The following SLC44A1 variants were observed in gnomAD, a reference collection of about 807,000 sequenced individuals.
SLC44A1 encodes solute carrier family 44 member 1, also known as choline transporter-like protein 1.
A neutral mutation model predicts 79.3 loss-of-function variants in SLC44A1; 26 were observed. The observed-to-expected ratio is 0.33, with a 90% CI of 0.24 to 0.46. SLC44A1 has a LOEUF of 0.46. SLC44A1 is among the 20% of genes least tolerant of loss of function. SLC44A1 has a pLI of 1.00. For missense variants in SLC44A1, 688 were observed against 798.1 expected, an observed-to-expected ratio of 0.86 and a Z score of 1.66; for synonymous variants, 263 against 286.2, an observed-to-expected ratio of 0.92 and a Z score of 0.82.
intron 3 of SLC44A1, among the ~76,000 whole-genome samples, chr9:105,328,479 C>T (rs1414827781): frequency 1.3e-5 from 2 of 152,148 alleles, no homozygotes; most frequent in Admixed American, 6.5e-5. Flanking sequence ...AGCAGCCCCA[C>T]GGTGAGAGTG....
At chr9:105,275,828 G>A (rs966080157) in intron 1 of SLC44A1, among the ~76,000 whole-genome samples, 22 of 148,436 alleles carry the variant, frequency 1.5e-4, no homozygotes, top group Admixed American at 1.3e-3. Context: ...TTTTTGAGAC[G>A]GAGTGCCGCT....
chr9:105,392,072 T>C lies in SLC44A1; in HGVS notation c.*3016T>C. On this transcript the variant is annotated 3_prime_UTR_variant, in exon 16 of 16. Coordinates refer to ENST00000374720, the MANE Select transcript of SLC44A1 (RefSeq NM_080546.5). ...TTTCAGTGTAAATCCAAGAGACCCA[T>C]CTTCTATGAGAGGCTTACCAGTGCA... 2 of 985,274 alleles carry C rather than the reference T, an allele frequency of 2.0e-6. No homozygotes were observed. The highest frequency in any genetic ancestry group is 1.2e-6 in the Non-Finnish European group (1 of 829,798). The allele number at this position is 985,274 out of a possible 1,614,324, so 61.0% of individuals were successfully genotyped here.
At chr9:105,309,936 T>A in intron 3 of SLC44A1, 70 bp downstream of exon 3, 1 of 1,489,276 alleles carries the variant, frequency 6.7e-7, no homozygotes. Context: ...CCTGCTGTTC[T>A]TGCTGTTTTA....
chr9:105,375,964 G>A (rs1020700822), intron 13 of SLC44A1, among the ~76,000 whole-genome samples: 35 of 151,256 alleles, frequency 2.3e-4, no homozygotes, highest in African/African-American at 6.3e-4. Context: ...TGTTTGTCCC[G>A]CCCATTTCTC....
intron 4 of SLC44A1, among the ~76,000 whole-genome samples, chr9:105,336,338 T>C (rs992284657): frequency 1.3e-5 from 2 of 152,172 alleles, no homozygotes; most frequent in African/African-American, 4.8e-5. Flanking sequence ...CTTTTTCTGA[T>C]AATAATTGTG....
chr9:105,310,638 G>T (rs1159971128), intron 3 of SLC44A1, among the ~76,000 whole-genome samples: 1 of 152,138 alleles, frequency 6.6e-6, no homozygotes, highest in Admixed American at 6.5e-5. Context: ...ATAGGAAAAG[G>T]CTAAGCAGGT....
chr9:105,265,495 T>G (rs1233512608), intron 1 of SLC44A1, among the ~76,000 whole-genome samples: 1 of 152,256 alleles, frequency 6.6e-6, no homozygotes, highest in Non-Finnish European at 1.5e-5. Flanking sequence ...CTAAGTAGTA[T>G]TCCATTATAT....
At chr9:105,289,518 A>C (rs1481572109) in intron 1 of SLC44A1, among the ~76,000 whole-genome samples, 1 of 152,206 alleles carries the variant, frequency 6.6e-6, no homozygotes, top group African/African-American at 2.4e-5. Context: ...GTATTTACAT[A>C]GTGTGCTGTA....
intron 13 of SLC44A1, among the ~76,000 whole-genome samples, chr9:105,375,849 T>A (rs1047120104): frequency 6.6e-6 from 1 of 152,212 alleles, no homozygotes; most frequent in Admixed American, 6.5e-5. Flanking sequence ...AGAGAAAGGC[T>A]TATACTACCA....
At chr9:105,420,736 C>T (rs941794081) in intron 15 of SLC44A1, among the ~76,000 whole-genome samples, 8 of 151,912 alleles carry the variant, frequency 5.3e-5, no homozygotes, top group Non-Finnish European at 1.0e-4. Context: ...TGACACATGC[C>T]TGTAATCACA....
intron 6 of SLC44A1, among the ~76,000 whole-genome samples, chr9:105,357,976 G>A (rs2131402368): frequency 6.6e-6 from 1 of 152,250 alleles, no homozygotes; most frequent in Middle Eastern, 3.4e-3. Context: ...AATTTTTCTT[G>A]TCACCAACAT....
chr9:105,279,307 GA>G (rs1218337381), intron 1 of SLC44A1, among the ~76,000 whole-genome samples: 1 of 149,296 alleles, frequency 6.7e-6, no homozygotes, highest in Non-Finnish European at 1.5e-5. Flanking sequence ...TTAAAACTAG[GA>G]AAAGAAAACT....
intron 1 of SLC44A1, among the ~76,000 whole-genome samples, chr9:105,281,553 G>A (rs1282259793): frequency 1.3e-5 from 2 of 152,128 alleles, no homozygotes; most frequent in Non-Finnish European, 2.9e-5. Flanking sequence ...TGTCTGATAC[G>A]GGCCAGGCAG....
At chr9:105,361,068 A>G (rs1827763501) in intron 7 of SLC44A1, 123 bp from the exon 8 acceptor site, 1 of 960,872 alleles carries the variant, frequency 1.0e-6, no homozygotes, top group Non-Finnish European at 1.7e-6. Flanking sequence ...CTTCCCAGCC[A>G]AATGGATTGT....
intron 15 of SLC44A1, among the ~76,000 whole-genome samples, chr9:105,430,268 T>TA (rs1829375777): frequency 6.6e-6 from 1 of 152,212 alleles, no homozygotes; most frequent in Non-Finnish European, 1.5e-5. Context: ...TTCTCTTTTT[T>TA]AAAAAATTAA....
chr9:105,405,878 C>A (rs1829023103), intron 15 of SLC44A1, among the ~76,000 whole-genome samples: 1 of 152,108 alleles, frequency 6.6e-6, no homozygotes, highest in Non-Finnish European at 1.5e-5. Context: ...AAAGAAGAGG[C>A]TAGAAAAGGA....
At chr9:105,303,276 C>T (rs1406717025) in intron 2 of SLC44A1, among the ~76,000 whole-genome samples, 3 of 151,788 alleles carry the variant, frequency 2.0e-5, no homozygotes, top group Admixed American at 6.6e-5. Flanking sequence ...GGCTAAAGTT[C>T]CTTCCCATCT....
intron 4 of SLC44A1, among the ~76,000 whole-genome samples, chr9:105,343,297 T>C (rs1224940895): frequency 6.6e-6 from 1 of 152,192 alleles, no homozygotes; most frequent in Non-Finnish European, 1.5e-5. Context: ...TGAGATAATG[T>C]TCACATTTTG....
chr9:105,326,465 C>G (rs1826579528), intron 3 of SLC44A1, among the ~76,000 whole-genome samples: 1 of 152,140 alleles, frequency 6.6e-6, no homozygotes, highest in Admixed American at 6.5e-5. Flanking sequence ...AATTATGTCT[C>G]CCTCCATGGT....
Sources: gnomAD v4.1 joint callset for allele counts (sites outside exome capture counted in the v4.1 genomes callset) on GRCh38, gnomAD v4.1.1 for gene constraint, MANE v1.5 for transcripts, NCBI Gene and HGNC (gene_info 2026-07-23, HGNC 2026-07-21) for gene names.